Variants in DMD observed in about 807,000 individuals in gnomAD.
DMD encodes dystrophin.
Under a neutral mutation model 330.1 loss-of-function variants are expected in DMD, and 63 were observed. That is an observed-to-expected ratio of 0.19 (90% CI 0.16 to 0.24). The LOEUF is 0.24. DMD is among the 10% of genes least tolerant of loss of function. The pLI, the probability that DMD is intolerant of heterozygous loss-of-function variation, is 1.00. For missense variants in DMD, 3,344 were observed against 2,684.1 expected, an observed-to-expected ratio of 1.25 and a Z score of -5.43; for synonymous variants, 1,223 against 959.8, an observed-to-expected ratio of 1.27 and a Z score of -5.07.
chrX:31,360,487 G>A (rs774823317), intron 60 of DMD, among the ~76,000 whole-genome samples: 25 of 112,080 alleles, frequency 2.2e-4, no homozygotes, highest in Middle Eastern at 9.3e-3. Flanking sequence ...AATTACTTAT[G>A]TACCAACCTA....
intron 44 of DMD, among the ~76,000 whole-genome samples, chrX:32,190,248 T>C (rs1004694666): frequency 9.0e-6 from 1 of 110,555 alleles, no homozygotes; most frequent in East Asian, 2.8e-4. Context: ...AGATCAATTG[T>C]CATCTTCTGA....
At chrX:31,679,868 A>G (rs751508696) in intron 52 of DMD, among the ~76,000 whole-genome samples, 2 of 111,963 alleles carry the variant, frequency 1.8e-5, no homozygotes, top group Admixed American at 9.5e-5. Flanking sequence ...CATCTGTTAG[A>G]AAAGCACTAC....
At chrX:32,361,718 T>C (rs2097835732) in intron 37 of DMD, among the ~76,000 whole-genome samples, 1 of 111,785 alleles carries the variant, frequency 8.9e-6, no homozygotes, top group South Asian at 3.7e-4. Context: ...ATGCTATTAC[T>C]GGTTGCTTAT....
chrX:32,807,122 T>TAAAAAAAAAAAAAAAAAAAAAAAA (rs999286386), intron 7 of DMD, among the ~76,000 whole-genome samples: 3 of 20,741 alleles, frequency 1.4e-4, no homozygotes, highest in African/African-American at 6.6e-4. Flanking sequence ...CGGAAACATT[T>TAAAAAAAAAAAAAAAAAAAAAAAA]AAAAAAAAAA....
At chrX:33,324,504 T>C (rs932754707) in intron 1 of DMD, among the ~76,000 whole-genome samples, 1 of 111,835 alleles carries the variant, frequency 8.9e-6, no homozygotes, top group Non-Finnish European at 1.9e-5. Flanking sequence ...TCCATTTTAT[T>C]TGAAATTAGT....
At chrX:31,215,952 T>C (rs1707776157) in intron 64 of DMD, among the ~76,000 whole-genome samples, 1 of 112,368 alleles carries the variant, frequency 8.9e-6, no homozygotes, top group African/African-American at 3.2e-5. Context: ...GTGACTACTA[T>C]TCATATGATT....
chrX:31,923,458 A>T (rs914204983), intron 47 of DMD, among the ~76,000 whole-genome samples: 1 of 111,457 alleles, frequency 9.0e-6, no homozygotes, highest in Non-Finnish European at 1.9e-5. Flanking sequence ...ATTTAATTAC[A>T]GCTTTGCTGT....
At position 31,330,151 on chromosome X, in the gene DMD, A is replaced by G. The variant is rs142125503; in HGVS notation, c.9164-6493T>C. On this transcript the variant is annotated intron_variant, in intron 61 of 78. Transcript: ENST00000357033. ...TGTATACATATGTCCAAACTTACCAAATTACATATATTAAATATGCATATT... is the reference window on the plus strand; with the variant it reads ...TGTATACATATGTCCAAACTTACCAGATTACATATATTAAATATGCATATT... Among the ~76,000 whole-genome samples the G allele has an allele frequency of 4.4e-3, 480 of 108,371 alleles. 3 individuals are homozygous for G. Among genetic ancestry groups the G allele is most frequent in the African/African-American group, 0.015 (448 of 29,733 alleles). The allele number at this position is 108,371 out of a possible 115,157, so 94.1% of individuals were successfully genotyped here.
intron 43 of DMD, among the ~76,000 whole-genome samples, chrX:32,278,843 C>T (rs911962035): frequency 1.8e-5 from 2 of 111,386 alleles, no homozygotes; most frequent in Non-Finnish European, 3.8e-5. Flanking sequence ...AAAAGCTCCT[C>T]CGCAGTGAAA....
In DMD at chrX:32,644,139, G is replaced by C. The variant is rs863224979; in HGVS notation, c.1324C>G (p.Gln442Glu). Residue 442 changes from glutamine to glutamate, a missense_variant, in exon 11 of 79, where the codon CAA becomes GAA. Transcript: ENST00000357033. The stretch of plus-strand genomic sequence containing the variant: ...AAACAAATAAGGACTTACTTGCTTT[G>C]TTTTTCCATGCTAGCTACCCTGAGG... ...ECLRVASMEKQSNLHRVLMDL... is the reference protein window; with the variant it reads ...ECLRVASMEKESNLHRVLMDL... 1 of 1,206,210 alleles carries C rather than the reference G, an allele frequency of 8.3e-7. No individual in the cohort carries two copies. The highest frequency in any genetic ancestry group is 3.0e-5 in the East Asian group (1 of 33,734).
intron 1 of DMD, among the ~76,000 whole-genome samples, chrX:33,122,541 T>C (rs1361450910): frequency 8.9e-6 from 1 of 112,107 alleles, no homozygotes; most frequent in Non-Finnish European, 1.9e-5. Flanking sequence ...GATAATTGAG[T>C]GATAACTTCA....
chrX:32,383,097 T>C (rs2097936018), intron 33 of DMD, among the ~76,000 whole-genome samples: 1 of 110,980 alleles, frequency 9.0e-6, no homozygotes, highest in Non-Finnish European at 1.9e-5. Flanking sequence ...ATTACATCAA[T>C]GGTGCCAGCT....
chrX:33,165,897 G>C (rs970966117), intron 1 of DMD, among the ~76,000 whole-genome samples: 6 of 111,661 alleles, frequency 5.4e-5, no homozygotes, highest in African/African-American at 2.0e-4. Flanking sequence ...AGAAGATGGG[G>C]CGTTAAAACA....
chrX:32,191,930 C>A (rs1603627991), intron 44 of DMD, among the ~76,000 whole-genome samples: 1 of 111,416 alleles, frequency 9.0e-6, no homozygotes, highest in African/African-American at 3.3e-5. Context: ...TATGAAGAGC[C>A]CCTGTACCAG....
intron 67 of DMD, among the ~76,000 whole-genome samples, chrX:31,192,744 T>G (rs1253829383): frequency 8.9e-6 from 1 of 112,029 alleles, no homozygotes; most frequent in East Asian, 2.8e-4. Flanking sequence ...ATCTACGATT[T>G]TAATACTGAA....
At chrX:32,392,529 G>T (rs1393872850) in intron 30 of DMD, among the ~76,000 whole-genome samples, 5 of 111,284 alleles carry the variant, frequency 4.5e-5, no homozygotes, top group Non-Finnish European at 7.5e-5. Flanking sequence ...CAAAGTGCTG[G>T]GATTACAGGT....
chrX:31,519,949 T>A (rs1280106178), intron 55 of DMD, among the ~76,000 whole-genome samples: 1 of 111,768 alleles, frequency 8.9e-6, no homozygotes, highest in Non-Finnish European at 1.9e-5. Flanking sequence ...AGTTCTTTCA[T>A]CCTATTTTGC....
chrX:31,749,182 G>A (rs2088157591), intron 51 of DMD, among the ~76,000 whole-genome samples: 1 of 108,537 alleles, frequency 9.2e-6, no homozygotes. Flanking sequence ...TAGGGTACAT[G>A]TGCACAATGT....
At position 31,195,770 on chromosome X, in the gene DMD, AAAGAG is replaced by A. The variant is rs747127433; in HGVS notation, c.9807+8186_9807+8190del. Among the ~76,000 whole-genome samples the A allele has an allele frequency of 6.7e-3, 715 of 107,090 alleles. 8 individuals carry two copies. The highest frequency in any genetic ancestry group is 0.023 in the African/African-American group (669 of 28,952). 93.0% of individuals were successfully genotyped at this position (107,090 alleles called of 115,157 possible). A position where few individuals can be genotyped will look rare whatever the true frequency, so the allele number is the denominator to read the frequency against. ...GGAGGGAGAGAGAGAGAACGAAAGA[AAAGAG>A]AAAAGAAAGAAAGAAAGGAAAGGAG... On this transcript the variant is annotated intron_variant, in intron 67 of 78. Transcript: ENST00000357033.
Sources: gnomAD v4.1 joint callset for allele counts (sites outside exome capture counted in the v4.1 genomes callset) on GRCh38, gnomAD v4.1.1 for gene constraint, MANE v1.5 for transcripts, NCBI Gene and HGNC (gene_info 2026-07-23, HGNC 2026-07-21) for gene names.